The following RIC1 variants were observed in gnomAD, a reference collection of about 807,000 sequenced individuals.
RIC1 encodes guanine nucleotide exchange factor subunit RIC1.
RIC1 carries 88 observed loss-of-function variants against 169.0 expected under a neutral mutation model. The observed-to-expected ratio is 0.52, with a 90% CI of 0.44 to 0.62. RIC1 has a LOEUF of 0.62. RIC1 is among the 20% of genes least tolerant of loss of function. The pLI is 0.00. For synonymous variants in RIC1, 790 were observed against 601.5 expected, an observed-to-expected ratio of 1.31 and a Z score of -4.59; for missense variants, 1,877 against 1,725.5, an observed-to-expected ratio of 1.09 and a Z score of -1.56.
chr9:5,705,121 T>A lies in RIC1; in HGVS notation c.333-8775T>A, dbSNP rs978856166. Among the ~76,000 whole-genome samples, 9 of 152,036 alleles carry A rather than the reference T, an allele frequency of 5.9e-5. No individual in the cohort carries two copies. The South Asian group carries it at 1.9e-3, about 31-fold the overall frequency. ...GAATTCTCCAACTTTGTTCTTCTTT[T>A]CAAGATTATTTTGGCTCTTCGGGGT... On this transcript the variant is annotated intron_variant, in intron 3 of 25. Transcript: ENST00000414202.
chr9:5,675,389 A>T (rs1473271654), intron 2 of RIC1, among the ~76,000 whole-genome samples: 1 of 152,176 alleles, frequency 6.6e-6, no homozygotes, highest in Non-Finnish European at 1.5e-5. Context: ...TAGAAGGCAA[A>T]GAATTGAACT....
At chr9:5,654,419 G>A (rs1225182672) in intron 1 of RIC1, among the ~76,000 whole-genome samples, 1 of 152,028 alleles carries the variant, frequency 6.6e-6, no homozygotes, top group Non-Finnish European at 1.5e-5. Flanking sequence ...GCTAATTTTT[G>A]TAATTTTTTA....
chr9:5,717,499 A>G (rs1261488185), intron 4 of RIC1, among the ~76,000 whole-genome samples: 2 of 152,174 alleles, frequency 1.3e-5, no homozygotes, highest in African/African-American at 4.8e-5. Context: ...AAGCTGACCA[A>G]TCCGGGAGAA....
At chr9:5,751,825 C>A (rs186088413) in intron 12 of RIC1, among the ~76,000 whole-genome samples, 1 of 152,156 alleles carries the variant, frequency 6.6e-6, no homozygotes, top group African/African-American at 2.4e-5. Flanking sequence ...ATGTTTAGAG[C>A]ATATTGCTTT....
intron 16 of RIC1, 73 bp downstream of exon 16, chr9:5,756,445 C>A: frequency 9.7e-7 from 1 of 1,034,782 alleles, no homozygotes; most frequent in Non-Finnish European, 1.3e-6. Flanking sequence ...TTTTTGTTTT[C>A]TCAAAACAGT....
In RIC1 at chr9:5,690,047, G is replaced by T. The variant is rs772036448; in HGVS notation, c.332+9G>T. On this transcript the variant is annotated intron_variant, in intron 3 of 25. Transcript: ENST00000414202. ...GAACCAGTGTATCCCAAGTAAGTTTGTTGCCTTTCATTCTTTTAATATGTG... is the reference window on the plus strand; with the variant it reads ...GAACCAGTGTATCCCAAGTAAGTTTTTTGCCTTTCATTCTTTTAATATGTG... The T allele has an allele frequency of 1.8e-5, 28 of 1,554,894 alleles. No homozygotes were observed. Among genetic ancestry groups the T allele is most frequent in the Non-Finnish European group, 2.4e-5 (28 of 1,146,066 alleles).
At chr9:5,725,719 C>T (rs1823932649) in intron 6 of RIC1, among the ~76,000 whole-genome samples, 1 of 152,134 alleles carries the variant, frequency 6.6e-6, no homozygotes, top group South Asian at 2.1e-4. Flanking sequence ...TCCCTCTACA[C>T]ACTGCTTTAA....
intron 3 of RIC1, among the ~76,000 whole-genome samples, chr9:5,691,249 A>C (rs1035467922): frequency 6.6e-6 from 1 of 151,420 alleles, no homozygotes; most frequent in Non-Finnish European, 1.5e-5. Flanking sequence ...TGACTGTATA[A>C]AACAAAACAA....
At chr9:5,745,572 C>G (rs1219091118) in intron 10 of RIC1, among the ~76,000 whole-genome samples, 2 of 152,136 alleles carry the variant, frequency 1.3e-5, no homozygotes, top group African/African-American at 2.4e-5. Flanking sequence ...ACTGGGTAAC[C>G]TGGGGTGTCT....
intron 4 of RIC1, among the ~76,000 whole-genome samples, chr9:5,718,333 C>T (rs1359989489): frequency 1.3e-5 from 2 of 151,858 alleles, no homozygotes; most frequent in Non-Finnish European, 2.9e-5. Flanking sequence ...TTTAACATTC[C>T]ATTTTAAGAC....
At chr9:5,772,491 C>T in intron 23 of RIC1, 73 bp from the exon 24 acceptor site, 2 of 1,222,530 alleles carry the variant, frequency 1.6e-6, no homozygotes, top group Non-Finnish European at 2.3e-6. Context: ...TGAGGAACAG[C>T]TAATATTTAA....
At chr9:5,768,257 G>A (rs1395527504) in intron 21 of RIC1, among the ~76,000 whole-genome samples, 1 of 152,184 alleles carries the variant, frequency 6.6e-6, no homozygotes, top group Non-Finnish European at 1.5e-5. Flanking sequence ...CTGGCAAGGT[G>A]GCTAACACCT....
At chr9:5,650,169 C>T (rs944542413) in intron 1 of RIC1, among the ~76,000 whole-genome samples, 32 of 152,026 alleles carry the variant, frequency 2.1e-4, no homozygotes, top group Non-Finnish European at 4.6e-4. Flanking sequence ...ATATGGCTTG[C>T]TTAGGTGCTG....
intron 25 of RIC1, 117 bp downstream of exon 25, chr9:5,773,197 T>A (rs1340828185): frequency 5.7e-6 from 2 of 352,808 alleles, no homozygotes; most frequent in Non-Finnish European, 9.5e-6. Context: ...TATTATATAT[T>A]ATTTATTATA....
At chr9:5,656,830 A>G (rs1386152868) in intron 2 of RIC1, 140 bp downstream of exon 2, 12 of 551,426 alleles carry the variant, frequency 2.2e-5, no homozygotes, top group Non-Finnish European at 3.6e-5. Context: ...TGCTTTACTG[A>G]TTATTCTATG....
chr9:5,631,315 A>T (rs1052413385), intron 1 of RIC1, among the ~76,000 whole-genome samples: 2 of 152,118 alleles, frequency 1.3e-5, no homozygotes, highest in African/African-American at 4.8e-5. Context: ...TGTTGTGCAA[A>T]AGTTAGGCTG....
chr9:5,656,500 ACT>A (rs933261316), intron 1 of RIC1, 81 bp from the exon 2 acceptor site: 20 of 588,168 alleles, frequency 3.4e-5, no homozygotes, highest in Middle Eastern at 3.8e-4. Flanking sequence ...TACTTTGAAT[ACT>A]CTGTTATCTT....
At chr9:5,751,961 A>G (rs940125853) in intron 12 of RIC1, among the ~76,000 whole-genome samples, 2 of 152,242 alleles carry the variant, frequency 1.3e-5, no homozygotes, top group Non-Finnish European at 2.9e-5. Flanking sequence ...AAAATGAAAA[A>G]TAAATTTGAA....
intron 19 of RIC1, among the ~76,000 whole-genome samples, chr9:5,764,854 A>G (rs541389665): frequency 3.3e-5 from 5 of 152,334 alleles, no homozygotes; most frequent in East Asian, 1.9e-4. Flanking sequence ...GCAGATAATA[A>G]TTACAATTAC....
Sources: allele counts gnomAD v4.1 joint callset (sites outside exome capture counted in the v4.1 genomes callset), GRCh38; gene constraint gnomAD v4.1.1; transcripts MANE v1.5; gene names NCBI Gene and HGNC (gene_info 2026-07-23, HGNC 2026-07-21).